The following UNC79 variants were observed in gnomAD, a reference collection of about 807,000 sequenced individuals.
UNC79 encodes protein unc-79 homolog.
A neutral mutation model predicts 283.1 loss-of-function variants in UNC79; 37 were observed. The ratio of observed to expected loss-of-function variants is 0.13; its 90% CI spans 0.10 to 0.17. UNC79 has a LOEUF of 0.17. Among genes scored for constraint, UNC79 ranks in the 10% least tolerant of loss-of-function variants. The pLI is 1.00. For missense variants in UNC79, 2,272 were observed against 3,211.1 expected (o/e 0.71, Z 7.07); for synonymous variants, 1,107 against 1,200.2 (o/e 0.92, Z 1.61).
intron 27 of UNC79, 144 bp from the exon 29 acceptor site, chr14:93,616,978 A>G: frequency 1.5e-6 from 1 of 673,070 alleles, no homozygotes; most frequent in Non-Finnish European, 2.3e-6. Flanking sequence ...CGTACTAGCC[A>G]TTACTTTTAA....
At chr14:93,499,929 G>A (rs1169000247) in intron 7 of UNC79, among the ~76,000 whole-genome samples, 1 of 152,086 alleles carries the variant, frequency 6.6e-6, no homozygotes, top group Non-Finnish European at 1.5e-5. Flanking sequence ...GCAGGCAGAA[G>A]ATAGCATGAT....
intron 1 of UNC79, among the ~76,000 whole-genome samples, chr14:93,456,685 T>A (rs2056805408): frequency 6.6e-6 from 1 of 152,220 alleles, no homozygotes; most frequent in African/African-American, 2.4e-5. Flanking sequence ...ATAGCTCTAA[T>A]CTCAGTCAAG....
At chr14:93,369,130 A>T (rs1433617199) in intron 1 of UNC79, among the ~76,000 whole-genome samples, 1 of 152,222 alleles carries the variant, frequency 6.6e-6, no homozygotes, top group Non-Finnish European at 1.5e-5. Flanking sequence ...CACAACATAC[A>T]TTAACCCAAA....
intron 22 of UNC79, among the ~76,000 whole-genome samples, chr14:93,587,443 C>T (rs1364407967): frequency 1.3e-5 from 2 of 152,178 alleles, no homozygotes; most frequent in African/African-American, 4.8e-5. Context: ...AAATCAGAAA[C>T]ATCCTTATTT....
intron 10 of UNC79, among the ~76,000 whole-genome samples, chr14:93,530,312 TGTAATTCCA>T (rs1247830654): frequency 6.6e-6 from 1 of 152,214 alleles, no homozygotes; most frequent in African/African-American, 2.4e-5. Context: ...GGCTCATGCC[TGTAATTCCA>T]GTACTTTGGG....
At chr14:93,443,215 G>A (rs904246110) in intron 1 of UNC79, among the ~76,000 whole-genome samples, 2 of 115,088 alleles carry the variant, frequency 1.7e-5, no homozygotes, top group Admixed American at 9.6e-5. Context: ...CAGAGAGGGA[G>A]TCAGTCTCTA....
At chr14:93,689,929 C>T (rs943864336) in intron 44 of UNC79, 188 bp from the exon 48 acceptor site, 6 of 602,558 alleles carry the variant, frequency 1.0e-5, no homozygotes, top group African/African-American at 3.7e-5. Context: ...AGCTGAGATC[C>T]AGGATTAGAG....
intron 39 of UNC79, among the ~76,000 whole-genome samples, chr14:93,662,061 T>A (rs1170121654): frequency 6.6e-6 from 1 of 152,196 alleles, no homozygotes; most frequent in Non-Finnish European, 1.5e-5. Context: ...CTAAAACTGA[T>A]CCTTCATGGG....
chr14:93,580,437 A>T (rs2063728504), intron 19 of UNC79, 61 bp downstream of exon 19: 2 of 1,488,598 alleles, frequency 1.3e-6, no homozygotes, highest in Non-Finnish European at 1.8e-6. Context: ...GCAGTAGCTG[A>T]TGTAATGGAG....
intron 31 of UNC79, among the ~76,000 whole-genome samples, chr14:93,634,251 A>G (rs2068307063): frequency 1.3e-5 from 2 of 152,250 alleles, no homozygotes; most frequent in Non-Finnish European, 2.9e-5. Context: ...AAGTAGATGA[A>G]GATAATCATA....
Position 93,583,601 on chromosome 14 carries a change from G to A in UNC79, c.2803+1257G>A, listed in dbSNP as rs1566706673. Among the ~76,000 whole-genome samples the A allele has an allele frequency of 5.3e-5, 8 of 152,052 alleles. No homozygotes were observed. In the South Asian group the frequency reaches 1.4e-3, roughly 28 times the overall value. ...TTTCATGTCATAAACTTTAGAATTT[G>A]AAGGAATACCTGAGGTGAGCTGGTT... On this transcript the variant is annotated intron_variant, in intron 20 of 48. Coordinates refer to ENST00000555664, the Ensembl canonical transcript of UNC79.
At chr14:93,412,469 GA>G (rs1472330243) in intron 1 of UNC79, among the ~76,000 whole-genome samples, 1 of 118,126 alleles carries the variant, frequency 8.5e-6, no homozygotes, top group Non-Finnish European at 1.8e-5. Context: ...ACCCAAAGAA[GA>G]CTACCTCAAG....
intron 17 of UNC79, among the ~76,000 whole-genome samples, chr14:93,577,308 A>C (rs1265252919): frequency 6.6e-6 from 1 of 152,210 alleles, no homozygotes; most frequent in African/African-American, 2.4e-5. Flanking sequence ...TTGGGCATAG[A>C]GTAGGGCCAA....
At chr14:93,625,020 C>T (rs1236605944) in intron 30 of UNC79, among the ~76,000 whole-genome samples, 8 of 152,212 alleles carry the variant, frequency 5.3e-5, no homozygotes, top group Non-Finnish European at 1.2e-4. Flanking sequence ...CCTTGCATAC[C>T]TTCTGTTCTG....
chr14:93,442,384 T>C (rs2056332414), intron 1 of UNC79, among the ~76,000 whole-genome samples: 1 of 152,196 alleles, frequency 6.6e-6, no homozygotes, highest in Non-Finnish European at 1.5e-5. Context: ...TTTAAAAATC[T>C]CTTCCTTTAT....
chr14:93,599,551 T>C (rs2065343285), intron 24 of UNC79, among the ~76,000 whole-genome samples: 1 of 152,246 alleles, frequency 6.6e-6, no homozygotes, highest in Non-Finnish European at 1.5e-5. Flanking sequence ...AGTTCTTCTC[T>C]GTTGATCTTA....
intron 7 of UNC79, among the ~76,000 whole-genome samples, chr14:93,508,214 A>G (rs2059645388): frequency 6.6e-6 from 1 of 151,544 alleles, no homozygotes; most frequent in South Asian, 2.1e-4. Flanking sequence ...GAAAAAAAAA[A>G]AAACCCACTA....
At chr14:93,679,028 G>A (rs2073601001) in intron 41 of UNC79, among the ~76,000 whole-genome samples, 1 of 152,176 alleles carries the variant, frequency 6.6e-6, no homozygotes. Flanking sequence ...CTGGTTTGCT[G>A]TGGATATTTT....
intron 1 of UNC79, among the ~76,000 whole-genome samples, chr14:93,397,622 G>A (rs927977281): frequency 2.0e-5 from 3 of 152,150 alleles, no homozygotes; most frequent in African/African-American, 7.2e-5. Flanking sequence ...TGAGGCAAGA[G>A]GATTGCTTGA....
Sources: allele counts gnomAD v4.1 joint callset (sites outside exome capture counted in the v4.1 genomes callset), GRCh38; gene constraint gnomAD v4.1.1; transcripts MANE v1.5; gene names NCBI Gene and HGNC (gene_info 2026-07-23, HGNC 2026-07-21).